GLIPR1L1: variants seen among roughly 807,000 people sequenced by gnomAD.
GLIPR1L1 encodes the protein GLIPR1-like protein 1.
A neutral mutation model predicts 29.9 loss-of-function variants in GLIPR1L1; 26 were observed. The observed-to-expected ratio is 0.87, with a 90% CI of 0.64 to 1.21. GLIPR1L1 has a LOEUF of 1.21. Ranked by LOEUF, GLIPR1L1 falls within the 50% of genes most tolerant of loss-of-function variation. The probability of loss-of-function intolerance (pLI) is 0.00; values close to 1 mark genes in which losing one functional copy is unlikely to be tolerated. For missense variants in GLIPR1L1, 305 were observed against 290.3 expected, an observed-to-expected ratio of 1.05 and a Z score of -0.37; for synonymous variants, 77 against 97.5, an observed-to-expected ratio of 0.79 and a Z score of 1.24.
At chr12:75,363,059 A>G (rs1346787573) in intron 3 of GLIPR1L1, 43 bp from the exon 4 acceptor site, 2 of 1,042,404 alleles carry the variant, frequency 1.9e-6, no homozygotes, top group Non-Finnish European at 2.8e-6. Context: ...AAATTGGAGA[A>G]ATTAACAGCC....
intron 2 of GLIPR1L1, among the ~76,000 whole-genome samples, chr12:75,346,708 AT>A (rs951187214): frequency 6.6e-6 from 1 of 151,808 alleles, no homozygotes; most frequent in Non-Finnish European, 1.5e-5. Flanking sequence ...GCTGGTAAAT[AT>A]TTTTTTTGCT....
At chr12:75,347,375 A>G (rs2042524168) in intron 2 of GLIPR1L1, among the ~76,000 whole-genome samples, 1 of 152,118 alleles carries the variant, frequency 6.6e-6, no homozygotes, top group Non-Finnish European at 1.5e-5. Flanking sequence ...TTGGTTATAT[A>G]TTATATTATC....
chr12:75,364,052 G>A (rs941059031), intron 4 of GLIPR1L1, among the ~76,000 whole-genome samples: 1 of 152,230 alleles, frequency 6.6e-6, no homozygotes, highest in East Asian at 1.9e-4. Flanking sequence ...GGAGACCAAG[G>A]GTTTATTAAG....
intron 2 of GLIPR1L1, among the ~76,000 whole-genome samples, chr12:75,345,915 T>G (rs994855454): frequency 2.6e-5 from 4 of 152,218 alleles, no homozygotes. Context: ...TATTGGCTAG[T>G]TTACACACAA....
chr12:75,337,343 A>G (rs755717240), intron 1 of GLIPR1L1, among the ~76,000 whole-genome samples: 24 of 151,842 alleles, frequency 1.6e-4, no homozygotes, highest in Non-Finnish European at 3.0e-4. Flanking sequence ...AAATTGATAA[A>G]CCAGTAGTAA....
At chr12:75,351,474 T>C (rs913085041) in intron 3 of GLIPR1L1, among the ~76,000 whole-genome samples, 2 of 151,838 alleles carry the variant, frequency 1.3e-5, no homozygotes, top group Non-Finnish European at 2.9e-5. Context: ...CCCATCAGAC[T>C]AACAGCAGAC....
At chr12:75,355,019 T>C (rs1047243260) in intron 3 of GLIPR1L1, among the ~76,000 whole-genome samples, 2 of 152,022 alleles carry the variant, frequency 1.3e-5, no homozygotes, top group Non-Finnish European at 2.9e-5. Context: ...CCCAAAACTA[T>C]AAAAACCCTA....
intron 1 of GLIPR1L1, among the ~76,000 whole-genome samples, chr12:75,342,685 C>A (rs1419930063): frequency 6.6e-6 from 1 of 152,094 alleles, no homozygotes; most frequent in African/African-American, 2.4e-5. Context: ...CATTGCATTT[C>A]CACATAAATT....
chr12:75,345,902 C>G (rs901407225), intron 2 of GLIPR1L1, among the ~76,000 whole-genome samples: 1 of 152,194 alleles, frequency 6.6e-6, no homozygotes, highest in African/African-American at 2.4e-5. Context: ...GGAGCTTACT[C>G]TTTATTGGCT....
At chr12:75,358,990 T>C (rs993784906) in intron 3 of GLIPR1L1, among the ~76,000 whole-genome samples, 23 of 148,938 alleles carry the variant, frequency 1.5e-4, no homozygotes, top group African/African-American at 4.9e-4. Flanking sequence ...CATAAAAATA[T>C]AGAAAAACAG....
intron 4 of GLIPR1L1, among the ~76,000 whole-genome samples, chr12:75,369,220 C>T (rs2044193934): frequency 6.6e-6 from 1 of 151,840 alleles, no homozygotes; most frequent in East Asian, 1.9e-4. Context: ...TACATTTTAG[C>T]TATTACTATA....
intron 1 of GLIPR1L1, among the ~76,000 whole-genome samples, chr12:75,338,505 T>C (rs953246192): frequency 3.3e-5 from 5 of 152,182 alleles, no homozygotes; most frequent in African/African-American, 4.8e-5. Flanking sequence ...ATTCCTTTTA[T>C]TTCATTTTTT....
chr12:75,370,397 T>G lies in GLIPR1L1; in HGVS notation c.*221T>G. 2.6e-6 allele frequency: 1 copy of G among 383,620 alleles called. No homozygotes were observed. 23.8% of individuals were successfully genotyped at this position (383,620 alleles called of 1,614,324 possible). ...ATTATTTTTTAATTACAAATCCATA[T>G]GTGTATCAAAAGTGTTCCACTCTTT... On this transcript the variant is annotated 3_prime_UTR_variant, in exon 6 of 6. Transcript: ENST00000378695.
chr12:75,351,689 G>A (rs2042826175), intron 3 of GLIPR1L1, among the ~76,000 whole-genome samples: 1 of 152,006 alleles, frequency 6.6e-6, no homozygotes, highest in South Asian at 2.1e-4. Flanking sequence ...TGGGATTAGA[G>A]GCGCTCCCCA....
intron 4 of GLIPR1L1, among the ~76,000 whole-genome samples, chr12:75,367,367 T>C (rs1440752227): frequency 6.6e-6 from 1 of 152,050 alleles, no homozygotes; most frequent in Non-Finnish European, 1.5e-5. Flanking sequence ...AGTATTTTAT[T>C]TCTTTATGTC....
chr12:75,347,775 T>C, intron 3 of GLIPR1L1, 53 bp downstream of exon 3: 1 of 1,243,124 alleles, frequency 8.0e-7, no homozygotes, highest in Non-Finnish European at 1.2e-6. Flanking sequence ...TTGATGATGG[T>C]TGCCAAATAA....
At chr12:75,347,138 T>C (rs1238709435) in intron 2 of GLIPR1L1, among the ~76,000 whole-genome samples, 2 of 152,040 alleles carry the variant, frequency 1.3e-5, no homozygotes, top group Non-Finnish European at 2.9e-5. Context: ...AATATGTTTT[T>C]CATTCCTACC....
At chr12:75,338,976 C>G (rs1321425971) in intron 1 of GLIPR1L1, among the ~76,000 whole-genome samples, 1 of 152,156 alleles carries the variant, frequency 6.6e-6, no homozygotes, top group Admixed American at 6.5e-5. Flanking sequence ...GTGTCTGTAG[C>G]ACATATTTTC....
chr12:75,346,746 G>T (rs1287253834), intron 2 of GLIPR1L1, among the ~76,000 whole-genome samples: 1 of 151,916 alleles, frequency 6.6e-6, no homozygotes, highest in Non-Finnish European at 1.5e-5. Context: ...CAAAACTATT[G>T]ACTCTGGCTA....
Sources: gnomAD v4.1 joint callset for allele counts (sites outside exome capture counted in the v4.1 genomes callset) on GRCh38, gnomAD v4.1.1 for gene constraint, MANE v1.5 for transcripts, NCBI Gene and HGNC (gene_info 2026-07-23, HGNC 2026-07-21) for gene names.